TENM2: variants seen among roughly 807,000 people sequenced by gnomAD.
The protein encoded by TENM2 is teneurin transmembrane protein 2.
In TENM2, 52 loss-of-function variants were observed where a neutral mutation model predicts 245.2. The ratio of observed to expected loss-of-function variants is 0.21; its 90% confidence interval spans 0.17 to 0.27. The LOEUF is 0.27. Among genes scored for constraint, TENM2 ranks in the 10% least tolerant of loss-of-function variants. The probability of loss-of-function intolerance (pLI) is 1.00; values close to 1 mark genes in which losing one functional copy is unlikely to be tolerated. For synonymous variants in TENM2, 1,363 were observed against 1,438.9 expected, an observed-to-expected ratio of 0.95 and a Z score of 1.19; for missense variants, 3,046 against 3,666.8, an observed-to-expected ratio of 0.83 and a Z score of 4.37.
intron 15 of TENM2, among the ~76,000 whole-genome samples, chr5:168,198,208 T>C (rs1761624326): frequency 6.8e-6 from 1 of 146,854 alleles, no homozygotes; most frequent in Admixed American, 6.8e-5. Context: ...TTTTTTTTTT[T>C]TTTTTGAGAC....
In TENM2 at chr5:168,190,325, C is replaced by G. The variant is rs552891833; in HGVS notation, c.2570-12C>G. On this transcript the variant is annotated splice_polypyrimidine_tract_variant and intron_variant, in intron 13 of 28. Coordinates refer to ENST00000518659, the Ensembl canonical transcript of TENM2. ...AAATCTGCTGACTCTGGCTCTGCCT[C>G]TGCCCTTCCAGATGGCCTGGTGGAT... 4 of 1,610,172 alleles carry G rather than the reference C, an allele frequency of 2.5e-6. No homozygotes were observed. Among genetic ancestry groups the G allele is most frequent in the African/African-American group, 2.7e-5 (2 of 74,974 alleles).
chr5:168,023,065 T>G (rs1212174326), intron 5 of TENM2, among the ~76,000 whole-genome samples: 1 of 152,154 alleles, frequency 6.6e-6, no homozygotes, highest in Non-Finnish European at 1.5e-5. Context: ...GCCCAACAGC[T>G]TTTGCTACTG....
At chr5:167,902,173 A>T (rs1351796739) in intron 3 of TENM2, among the ~76,000 whole-genome samples, 1 of 151,976 alleles carries the variant, frequency 6.6e-6, no homozygotes, top group Non-Finnish European at 1.5e-5. Context: ...TGGAGTGGGG[A>T]GTGGGGTGGG....
intron 2 of TENM2, among the ~76,000 whole-genome samples, chr5:167,805,306 G>T (rs1179868128): frequency 6.6e-6 from 1 of 152,098 alleles, no homozygotes; most frequent in African/African-American, 2.4e-5. Context: ...AATCATGGGG[G>T]ATACTTATTA....
At position 167,960,091 on chromosome 5, in the gene TENM2, A is replaced by G. The variant is rs998403350; in HGVS notation, c.947+7269A>G. Among the ~76,000 whole-genome samples the G allele has an allele frequency of 3.3e-5, 5 of 152,202 alleles. No individual in the cohort carries two copies. In the South Asian group the frequency reaches 1.0e-3, roughly 32 times the overall value. ...AGCTTCGCCCAGAGGGCTACCCACC[A>G]GATGCCAGCTGGAGCTCTCCTGTAT... On this transcript the variant is annotated intron_variant, in intron 4 of 28. Coordinates refer to ENST00000518659, the Ensembl canonical transcript of TENM2.
In TENM2 at chr5:167,614,960, G is replaced by A. The variant is rs143144824; in HGVS notation, c.502+239487G>A. Reference sequence around the variant, plus strand: ...TCATCGTCACTGACGGCTCTGACTGGAAGCAAATGCTGCCTTTACTTTATC... The same window carrying A: ...TCATCGTCACTGACGGCTCTGACTGAAAGCAAATGCTGCCTTTACTTTATC... On this transcript the variant is annotated intron_variant, in intron 2 of 28. Transcript: ENST00000518659. Among the ~76,000 whole-genome samples the A allele has an allele frequency of 5.1e-3, 780 of 152,224 alleles. 5 individuals carry two copies. Among genetic ancestry groups the A allele is most frequent in the African/African-American group, 0.018 (738 of 41,532 alleles).
intron 5 of TENM2, among the ~76,000 whole-genome samples, chr5:167,997,125 A>G (rs1175013082): frequency 6.6e-6 from 1 of 152,200 alleles, no homozygotes; most frequent in Non-Finnish European, 1.5e-5. Flanking sequence ...AAATCTGCAT[A>G]TTACAATCAT....
chr5:168,126,091 C>T (rs1795829083), intron 11 of TENM2, among the ~76,000 whole-genome samples: 1 of 152,302 alleles, frequency 6.6e-6, no homozygotes, highest in Non-Finnish European at 1.5e-5. Flanking sequence ...CTGCCTCCTC[C>T]CCAAGCACAA....
At chr5:167,977,177 G>C (rs1782502817) in intron 4 of TENM2, among the ~76,000 whole-genome samples, 1 of 152,096 alleles carries the variant, frequency 6.6e-6, no homozygotes, top group South Asian at 2.1e-4. Flanking sequence ...CTTGAGGGTG[G>C]AGGGTGGGAG....
chr5:167,907,641 G>A (rs1342315800), intron 3 of TENM2, among the ~76,000 whole-genome samples: 1 of 145,818 alleles, frequency 6.9e-6, no homozygotes, highest in Non-Finnish European at 1.5e-5. Flanking sequence ...TGTATCTCAT[G>A]CCTATAGTCC....
intron 3 of TENM2, among the ~76,000 whole-genome samples, chr5:167,901,427 T>C (rs1261083869): frequency 2.0e-5 from 3 of 152,226 alleles, no homozygotes; most frequent in Admixed American, 6.5e-5. Context: ...AGGACACTTC[T>C]ATCATATGGA....
Position 167,765,211 on chromosome 5 carries a change from A to G in TENM2, c.503-110775A>G, listed in dbSNP as rs369852658. Among the ~76,000 whole-genome samples the G allele has an allele frequency of 3.1e-4, 47 of 152,346 alleles. 1 individual carries two copies. The South Asian group carries it at 9.3e-3, about 30-fold the overall frequency. Reference sequence around the variant, plus strand: ...GAGGATGCATTACCTTAAAATATGCAGATGGAAAACTGACATTATTGTCAA... The same window carrying G: ...GAGGATGCATTACCTTAAAATATGCGGATGGAAAACTGACATTATTGTCAA... On this transcript the variant is annotated intron_variant, in intron 2 of 28. Coordinates refer to ENST00000518659, the Ensembl canonical transcript of TENM2.
intron 12 of TENM2, among the ~76,000 whole-genome samples, chr5:168,135,474 TG>T (rs1754968140): frequency 6.6e-6 from 1 of 152,200 alleles, no homozygotes; most frequent in South Asian, 2.1e-4. Context: ...CAGTCAAAAA[TG>T]GGGTTTATTG....
chr5:167,597,165 C>CTTT (rs34227363), intron 2 of TENM2, among the ~76,000 whole-genome samples: 57 of 53,742 alleles, frequency 1.1e-3, no homozygotes, highest in South Asian at 4.9e-3. Context: ...CTTTTCTTTT[C>CTTT]TTTTTTTTTT....
intron 19 of TENM2, 123 bp downstream of exon 21, chr5:168,204,744 C>T: frequency 7.9e-7 from 1 of 1,269,840 alleles, no homozygotes; most frequent in Non-Finnish European, 1.1e-6. Context: ...TGATCCAAAA[C>T]CTAGGCCCAG....
At chr5:167,777,925 T>C (rs1763924688) in intron 2 of TENM2, among the ~76,000 whole-genome samples, 1 of 152,210 alleles carries the variant, frequency 6.6e-6, no homozygotes, top group Admixed American at 6.5e-5. Flanking sequence ...CCATGAGCCA[T>C]CTAACCACCA....
chr5:167,708,774 A>G (rs1758707411), intron 2 of TENM2, among the ~76,000 whole-genome samples: 1 of 152,200 alleles, frequency 6.6e-6, no homozygotes, highest in African/African-American at 2.4e-5. Flanking sequence ...AGTGCCACAG[A>G]ATTGGAGTTG....
Position 167,840,892 on chromosome 5 carries a change from G to A in TENM2, c.503-35094G>A, listed in dbSNP as rs185148116. 6.3e-4 allele frequency among the ~76,000 whole-genome samples: 96 copies of A among 152,232 alleles called. 2 individuals carry two copies. The highest frequency in any genetic ancestry group is 4.2e-3 in the East Asian group (22 of 5,180). ...AACTGTGCAGCACTCCCAGCCCTCC[G>A]TTTGTGGGGTAATTGTGCCAGTGAC... On this transcript the variant is annotated intron_variant, in intron 2 of 28. Coordinates refer to ENST00000518659, the Ensembl canonical transcript of TENM2.
chr5:167,555,868 C>G lies in TENM2; in HGVS notation c.502+180395C>G, dbSNP rs905316096. ...AGCTTGGTCGAGCCTTTTCAAATTC[C>G]ATAAGGCGACAAAGAAACTTCAACG... On this transcript the variant is annotated intron_variant, in intron 2 of 28. Transcript: ENST00000518659. Among the ~76,000 whole-genome samples, 2 of 152,042 alleles carry G rather than the reference C, an allele frequency of 1.3e-5. 1 individual carries two copies. Among genetic ancestry groups the G allele is most frequent in the South Asian group, 4.1e-4 (2 of 4,826 alleles).
Sources: allele counts gnomAD v4.1 joint callset (sites outside exome capture counted in the v4.1 genomes callset), GRCh38; gene constraint gnomAD v4.1.1; transcripts MANE v1.5; gene names NCBI Gene and HGNC (gene_info 2026-07-23, HGNC 2026-07-21).